SCML4: variants seen among roughly 807,000 people sequenced by gnomAD.
The protein encoded by SCML4 is Scm polycomb group protein like 4, also known as sex comb on midleg-like protein 4.
A neutral mutation model predicts 41.1 loss-of-function variants in SCML4; 34 were observed. That is an observed-to-expected ratio of 0.83 (90% CI 0.63 to 1.10). The LOEUF (loss-of-function observed/expected upper bound fraction) is 1.10, where lower values mean the gene tolerates loss of function less well. Ranked by LOEUF, SCML4 falls within the 50% of genes least tolerant of loss-of-function variation. SCML4 has a pLI of 0.00. For missense variants in SCML4, 522 were observed against 534.1 expected (o/e 0.98, Z 0.22); for synonymous variants, 214 against 220.9 (o/e 0.97, Z 0.28).
At chr6:107,739,371 C>A in intron 5 of SCML4, among the ~76,000 whole-genome samples, 1 of 152,214 alleles carries the variant, frequency 6.6e-6, no homozygotes, top group East Asian at 1.9e-4. Context: ...CCCAAATCTT[C>A]TCTTTTTTTC....
intron 1 of SCML4, among the ~76,000 whole-genome samples, chr6:107,782,513 TG>T (rs1176436808): frequency 6.6e-6 from 1 of 152,246 alleles, no homozygotes; most frequent in African/African-American, 2.4e-5. Flanking sequence ...AGATTGCACG[TG>T]GGGCCCTGGG....
chr6:107,750,208 G>A (rs1778496936), intron 2 of SCML4, among the ~76,000 whole-genome samples: 1 of 152,174 alleles, frequency 6.6e-6, no homozygotes, highest in African/African-American at 2.4e-5. Flanking sequence ...CCCAACCAGA[G>A]ACCAACCCTT....
the SCML4 span, among the ~76,000 whole-genome samples, chr6:107,831,753 A>C: frequency 6.6e-6 from 1 of 152,142 alleles, no homozygotes; most frequent in Non-Finnish European, 1.5e-5. Flanking sequence ...ACCCATCTCT[A>C]CTAAAAATAG....
At chr6:107,769,706 T>C (rs2114564989) in intron 2 of SCML4, among the ~76,000 whole-genome samples, 1 of 152,332 alleles carries the variant, frequency 6.6e-6, no homozygotes, top group East Asian at 1.9e-4. Flanking sequence ...TTTTATAAGA[T>C]TGACATTACT....
chr6:107,757,030 G>T (rs1021956744), intron 2 of SCML4, among the ~76,000 whole-genome samples: 2 of 152,202 alleles, frequency 1.3e-5, no homozygotes, highest in African/African-American at 4.8e-5. Context: ...TCCAAGGCAA[G>T]GTCTGTGCTT....
At chr6:107,845,624 G>A in the SCML4 span, among the ~76,000 whole-genome samples, 2 of 152,210 alleles carry the variant, frequency 1.3e-5, no homozygotes, top group Admixed American at 1.3e-4. Flanking sequence ...GTCTGAATTT[G>A]AAACTCTTCA....
In SCML4 at chr6:107,705,708, C is replaced by T. The variant is rs528411476; in HGVS notation, c.1120-383G>A. Among the ~76,000 whole-genome samples, 11 of 152,298 alleles carry T rather than the reference C, an allele frequency of 7.2e-5. No homozygotes were observed. In the East Asian group the frequency reaches 2.1e-3, roughly 29 times the overall value. On this transcript the variant is annotated intron_variant, in intron 7 of 7. Coordinates refer to ENST00000369020, the MANE Select transcript of SCML4 (RefSeq NM_198081.5). ...CTGGAACTAGAGGGTCTTTCCATTC[C>T]AAACCTCCACCTATTGCCCTAATTT...
chr6:107,773,134 A>T (rs1166401140), intron 1 of SCML4, among the ~76,000 whole-genome samples: 1 of 152,208 alleles, frequency 6.6e-6, no homozygotes, highest in Non-Finnish European at 1.5e-5. Context: ...AATGACCTCA[A>T]CTATGCAAAA....
intron 6 of SCML4, chr6:107,720,003 C>CTT: frequency 1.0e-6 from 1 of 985,492 alleles, no homozygotes; most frequent in Non-Finnish European, 1.2e-6. Context: ...TTCCAACAAG[C>CTT]TTTCTTTAGT....
At chr6:107,838,360 A>G in the SCML4 span, among the ~76,000 whole-genome samples, 4 of 152,266 alleles carry the variant, frequency 2.6e-5, no homozygotes, top group East Asian at 7.7e-4. Context: ...AGAAAACACC[A>G]GGGATTGCAA....
chr6:107,720,167 C>T, intron 6 of SCML4: 2 of 934,880 alleles, frequency 2.1e-6, no homozygotes, highest in Non-Finnish European at 2.6e-6. Flanking sequence ...CAGAGCTAAC[C>T]TACAGCTTCC....
At chr6:107,810,199 C>T (rs1195667032) in intron 1 of SCML4, among the ~76,000 whole-genome samples, 1 of 152,120 alleles carries the variant, frequency 6.6e-6, no homozygotes, top group East Asian at 1.9e-4. Flanking sequence ...CCAAGGGTGC[C>T]CAGGCTCGCT....
chr6:107,799,664 T>C (rs1782959319), intron 1 of SCML4, among the ~76,000 whole-genome samples: 1 of 152,148 alleles, frequency 6.6e-6, no homozygotes, highest in Non-Finnish European at 1.5e-5. Flanking sequence ...AGTTTTTTTA[T>C]AATTTCTTTT....
chr6:107,803,059 A>G (rs1008913725), intron 1 of SCML4, among the ~76,000 whole-genome samples: 2 of 151,900 alleles, frequency 1.3e-5, no homozygotes, highest in Admixed American at 1.3e-4. Flanking sequence ...AATGGTGCCC[A>G]GGCTGGAGTG....
intron 2 of SCML4, among the ~76,000 whole-genome samples, chr6:107,761,580 G>A (rs949312185): frequency 6.6e-6 from 1 of 151,928 alleles, no homozygotes; most frequent in Non-Finnish European, 1.5e-5. Flanking sequence ...TGGATTACAG[G>A]CAGGCGCTAC....
At chr6:107,740,940 C>A (rs1435455930) in intron 5 of SCML4, among the ~76,000 whole-genome samples, 1 of 152,128 alleles carries the variant, frequency 6.6e-6, no homozygotes, top group South Asian at 2.1e-4. Flanking sequence ...TCAAGGTTAG[C>A]GAGCTATGGG....
At chr6:107,802,469 G>A (rs1273416552) in intron 1 of SCML4, among the ~76,000 whole-genome samples, 1 of 151,962 alleles carries the variant, frequency 6.6e-6, no homozygotes, top group East Asian at 1.9e-4. Context: ...AGGGTATTGG[G>A]TGCAGAGTGA....
At chr6:107,708,534 C>A (rs1773908176) in intron 6 of SCML4, among the ~76,000 whole-genome samples, 1 of 152,164 alleles carries the variant, frequency 6.6e-6, no homozygotes, top group South Asian at 2.1e-4. Context: ...TCGTTCTTCT[C>A]CACGGTATCT....
chr6:107,720,075 C>T (rs922917263), intron 6 of SCML4: 15 of 985,338 alleles, frequency 1.5e-5, no homozygotes, highest in African/African-American at 1.7e-5. Context: ...TCTGCCTCTG[C>T]TCATGTATTT....
Sources: gnomAD v4.1 joint callset for allele counts (sites outside exome capture counted in the v4.1 genomes callset) on GRCh38, gnomAD v4.1.1 for gene constraint, MANE v1.5 for transcripts, NCBI Gene and HGNC (gene_info 2026-07-23, HGNC 2026-07-21) for gene names.